The following LRMDA variants were observed in gnomAD, a reference collection of about 807,000 sequenced individuals.
LRMDA encodes leucine rich melanocyte differentiation associated.
In LRMDA, 18 loss-of-function variants were observed where a neutral mutation model predicts 29.8. The ratio of observed to expected loss-of-function variants is 0.60; its 90% confidence interval spans 0.42 to 0.90. The LOEUF is 0.90. LRMDA is among the 40% of genes least tolerant of loss of function. The pLI, the probability that LRMDA is intolerant of heterozygous loss-of-function variation, is 0.00. For synonymous variants in LRMDA, 125 were observed against 109.4 expected, an observed-to-expected ratio of 1.14 and a Z score of -0.89; for missense variants, 273 against 273.9, an observed-to-expected ratio of 1.00 and a Z score of 0.02.
At chr10:75,618,070 G>A (rs916266767) in intron 2 of LRMDA, among the ~76,000 whole-genome samples, 1 of 152,124 alleles carries the variant, frequency 6.6e-6, no homozygotes, top group Non-Finnish European at 1.5e-5. Context: ...TATTCTTTGG[G>A]AATTAATCAT....
chr10:76,458,487 T>C (rs1261439084), intron 6 of LRMDA, among the ~76,000 whole-genome samples: 1 of 152,232 alleles, frequency 6.6e-6, no homozygotes, highest in African/African-American at 2.4e-5. Context: ...ATCGTACTGC[T>C]ATGGATATGG....
At chr10:75,717,887 C>G (rs1015078761) in intron 2 of LRMDA, among the ~76,000 whole-genome samples, 1 of 151,914 alleles carries the variant, frequency 6.6e-6, no homozygotes, top group African/African-American at 2.4e-5. Flanking sequence ...CCATATCGCA[C>G]CAACATTTGC....
intron 2 of LRMDA, among the ~76,000 whole-genome samples, chr10:75,500,177 C>T (rs927326891): frequency 6.6e-6 from 1 of 152,104 alleles, no homozygotes; most frequent in Non-Finnish European, 1.5e-5. Flanking sequence ...CCTGTTGCTC[C>T]TTACAGGAGT....
chr10:76,317,386 T>A (rs1840713327), intron 5 of LRMDA, among the ~76,000 whole-genome samples: 1 of 152,212 alleles, frequency 6.6e-6, no homozygotes, highest in Non-Finnish European at 1.5e-5. Flanking sequence ...TTTTCCTCCC[T>A]TTTTTCATCT....
rs543685866 is a variant in LRMDA, at chr10:76,505,942, G to T, written c.602-51267G>T. Among the ~76,000 whole-genome samples, 19 of 152,168 alleles carry T rather than the reference G, an allele frequency of 1.2e-4. No homozygotes were observed. The Middle Eastern group carries it at 0.01, about 82-fold the overall frequency. ...AGTATAATCAATTGGCTTTGTTTCTGGGCGCTTTCAGGGTGCCAATGCTCT... is the reference window on the plus strand; with the variant it reads ...AGTATAATCAATTGGCTTTGTTTCTTGGCGCTTTCAGGGTGCCAATGCTCT... On this transcript the variant is annotated intron_variant, in intron 6 of 6. Transcript: ENST00000611255.
chr10:75,521,439 C>A (rs1228635208), intron 2 of LRMDA, among the ~76,000 whole-genome samples: 10 of 152,270 alleles, frequency 6.6e-5, no homozygotes, highest in Non-Finnish European at 1.5e-4. Context: ...CCCTGCCTGA[C>A]TGCAGCCTCG....
intron 6 of LRMDA, among the ~76,000 whole-genome samples, chr10:76,527,416 C>T (rs1843188634): frequency 1.3e-5 from 2 of 152,134 alleles, no homozygotes; most frequent in South Asian, 2.1e-4. Flanking sequence ...ATTACATAAC[C>T]TCTCTGCAGA....
chr10:75,580,899 A>G (rs1440850253), intron 2 of LRMDA, among the ~76,000 whole-genome samples: 2 of 152,214 alleles, frequency 1.3e-5, no homozygotes, highest in Non-Finnish European at 2.9e-5. Flanking sequence ...TCTTCCTTAC[A>G]CTTTATACAA....
chr10:76,348,311 T>C (rs1477440659), intron 6 of LRMDA, among the ~76,000 whole-genome samples: 3 of 152,086 alleles, frequency 2.0e-5, no homozygotes, highest in African/African-American at 7.2e-5. Flanking sequence ...ACGGGCAATG[T>C]GGTAGAGTGG....
At chr10:76,028,448 G>A (rs1377854362) in intron 2 of LRMDA, among the ~76,000 whole-genome samples, 1 of 151,924 alleles carries the variant, frequency 6.6e-6, no homozygotes, top group African/African-American at 2.4e-5. Flanking sequence ...TTGGATAGTT[G>A]AACTTTATTA....
At chr10:76,055,088 AAAAAAAG>A (rs1564640516) in intron 4 of LRMDA, among the ~76,000 whole-genome samples, 6 of 149,722 alleles carry the variant, frequency 4.0e-5, no homozygotes, top group African/African-American at 1.2e-4. Context: ...AAAAAAAAAA[AAAAAAAG>A]AAAAAGAAAA....
chr10:75,736,104 C>G (rs1005893337), intron 2 of LRMDA, among the ~76,000 whole-genome samples: 10 of 152,108 alleles, frequency 6.6e-5, no homozygotes, highest in Admixed American at 6.5e-4. Context: ...GAACATTTGG[C>G]ACTTTGCACC....
intron 2 of LRMDA, among the ~76,000 whole-genome samples, chr10:75,481,404 T>C (rs910309386): frequency 3.9e-5 from 6 of 152,098 alleles, no homozygotes; most frequent in Non-Finnish European, 8.8e-5. Flanking sequence ...AAAAACAGGA[T>C]GAGCTCTTGG....
At chr10:76,485,365 G>C (rs1744359025) in intron 6 of LRMDA, among the ~76,000 whole-genome samples, 1 of 151,800 alleles carries the variant, frequency 6.6e-6, no homozygotes. Flanking sequence ...TTCTAAGTTT[G>C]ACTTCAAATA....
rs149220311 is a variant in LRMDA at position 75,701,801 on chromosome 10, A to G, written c.131+263307A>G. On this transcript the variant is annotated intron_variant, in intron 2 of 6. Coordinates refer to ENST00000611255, the MANE Select transcript of LRMDA (RefSeq NM_001305581.2). ...TCTGTTTCATTGCTCTGGCCACTCT[A>G]ATAGCCTCCTAGGAGGGGAATTCCC... is the stretch of plus-strand genomic sequence containing the variant. Among the ~76,000 whole-genome samples, 452 of 152,158 alleles carry G rather than the reference A, an allele frequency of 3.0e-3. 2 individuals are homozygous for G. The highest frequency in any genetic ancestry group is 0.01 in the African/African-American group (435 of 41,530).
At chr10:75,506,239 G>A (rs1167099109) in intron 2 of LRMDA, among the ~76,000 whole-genome samples, 5 of 152,092 alleles carry the variant, frequency 3.3e-5, no homozygotes, top group Admixed American at 2.0e-4. Context: ...ATGGCATTAC[G>A]CAGGTGTGAT....
At chr10:76,379,124 T>C (rs937510826) in intron 6 of LRMDA, among the ~76,000 whole-genome samples, 19 of 151,688 alleles carry the variant, frequency 1.3e-4, no homozygotes, top group African/African-American at 4.6e-4. Flanking sequence ...CCCAAAGTGC[T>C]GAGATTACAG....
intron 2 of LRMDA, among the ~76,000 whole-genome samples, chr10:75,600,440 C>T (rs576320059): frequency 6.6e-6 from 1 of 152,356 alleles, no homozygotes; most frequent in African/African-American, 2.4e-5. Flanking sequence ...GGATCAGATA[C>T]ATCATCCTCC....
intron 2 of LRMDA, among the ~76,000 whole-genome samples, chr10:75,502,174 A>C (rs985576621): frequency 6.6e-6 from 1 of 152,142 alleles, no homozygotes; most frequent in African/African-American, 2.4e-5. Flanking sequence ...CAAAAGTCAC[A>C]CACCTCATTT....
Sources: allele counts gnomAD v4.1 joint callset (sites outside exome capture counted in the v4.1 genomes callset), GRCh38; gene constraint gnomAD v4.1.1; transcripts MANE v1.5; gene names NCBI Gene and HGNC (gene_info 2026-07-23, HGNC 2026-07-21).